Variants in MED27 observed in about 807,000 individuals in gnomAD.
MED27 encodes the protein mediator complex subunit 27, also known as mediator of RNA polymerase II transcription subunit 27.
A neutral mutation model predicts 38.2 loss-of-function variants in MED27; 30 were observed. The observed-to-expected ratio is 0.79, with a 90% CI of 0.59 to 1.07. The LOEUF (loss-of-function observed/expected upper bound fraction) is 1.07, where lower values mean the gene tolerates loss of function less well. Ranked by LOEUF, MED27 falls within the 50% of genes least tolerant of loss-of-function variation. MED27 has a pLI of 0.00. For missense variants in MED27, 289 were observed against 397.5 expected (o/e 0.73, Z 2.32); for synonymous variants, 122 against 153.5 (o/e 0.79, Z 1.52).
In MED27 at chr9:132,013,252, C is replaced by T. The variant is rs1384077857; in HGVS notation, c.479+1085G>A. On this transcript the variant is annotated intron_variant, in intron 3 of 7. Transcript: ENST00000292035. ...GTGGCATATTCAAAGGAAGACTACA[C>T]TGCAACAGAAAAAGGACAACAGGAT... Among the ~76,000 whole-genome samples the T allele has an allele frequency of 2.6e-5, 4 of 152,212 alleles. No homozygotes were observed. The East Asian group carries it at 7.7e-4, about 29-fold the overall frequency.
intron 3 of MED27, among the ~76,000 whole-genome samples, chr9:131,994,273 A>C (rs1305560175): frequency 6.6e-6 from 1 of 152,168 alleles, no homozygotes; most frequent in Non-Finnish European, 1.5e-5. Context: ...TGTATTTGAC[A>C]ATTTCTACAA....
intron 6 of MED27, chr9:131,869,163 A>C (rs1478506607): frequency 4.1e-6 from 4 of 985,274 alleles, no homozygotes; most frequent in Non-Finnish European, 4.8e-6. Flanking sequence ...TTAATAAAGG[A>C]AACAGAGCTG....
At chr9:131,936,853 T>C (rs1830695360) in intron 4 of MED27, among the ~76,000 whole-genome samples, 1 of 152,204 alleles carries the variant, frequency 6.6e-6, no homozygotes, top group Non-Finnish European at 1.5e-5. Flanking sequence ...TGCCGTTTTA[T>C]TTCAAAAGCA....
chr9:132,017,996 G>T (rs543973457), intron 2 of MED27, among the ~76,000 whole-genome samples: 10 of 152,320 alleles, frequency 6.6e-5, no homozygotes, highest in Admixed American at 4.6e-4. Context: ...CTGACGAAAT[G>T]TAAGTGGGAG....
At chr9:131,984,677 G>C (rs1247431186) in intron 3 of MED27, among the ~76,000 whole-genome samples, 1 of 152,172 alleles carries the variant, frequency 6.6e-6, no homozygotes, top group Non-Finnish European at 1.5e-5. Context: ...ACAATAAGGA[G>C]AAAGTATTTA....
At chr9:131,964,037 T>C (rs554677912) in intron 3 of MED27, among the ~76,000 whole-genome samples, 1 of 152,070 alleles carries the variant, frequency 6.6e-6, no homozygotes, top group Non-Finnish European at 1.5e-5. Context: ...GAGTAAGTAC[T>C]GATCTGATTG....
At position 132,039,831 on chromosome 9, in the gene MED27, C is replaced by G. The variant is rs369463769; in HGVS notation, c.349-25364G>C. 2.5e-4 allele frequency among the ~76,000 whole-genome samples: 38 copies of G among 152,312 alleles called. No individual in the cohort carries two copies. In the East Asian group the frequency reaches 5.4e-3, roughly 22 times the overall value. ...GACAGGGTCCTGCCTCTAGGAGTTT[C>G]ACTGGCTACAAAGGACACCACTCGC... On this transcript the variant is annotated intron_variant, in intron 2 of 7. Transcript: ENST00000292035.
At chr9:131,874,152 G>A (rs560165047) in intron 6 of MED27, among the ~76,000 whole-genome samples, 20 of 152,132 alleles carry the variant, frequency 1.3e-4, no homozygotes, top group Admixed American at 6.5e-5. Context: ...TCCGCCTCCC[G>A]CCCCAACACG....
Position 131,939,303 on chromosome 9 carries a change from C to T in MED27, c.573+78G>A, listed in dbSNP as rs1830740933. The T allele has an allele frequency of 3.5e-6, 3 of 848,794 alleles. No homozygotes were observed. The South Asian group carries it at 5.9e-5, about 17-fold the overall frequency. The allele number at this position is 848,794 out of a possible 1,614,324, so 52.6% of individuals were successfully genotyped here. ...TTTAATCCCCATTCTCTAGATCCTA[C>T]AACACAGGACCAGAGAGTTAATTGT... On this transcript the variant is annotated intron_variant, in intron 4 of 7. Transcript: ENST00000292035.
At chr9:131,973,402 A>G (rs1409162594) in intron 3 of MED27, among the ~76,000 whole-genome samples, 1 of 151,394 alleles carries the variant, frequency 6.6e-6, no homozygotes, top group Non-Finnish European at 1.5e-5. Context: ...ACATGAAGAA[A>G]TCGGCCGCAG....
chr9:132,004,979 G>C (rs2131063224), intron 3 of MED27, among the ~76,000 whole-genome samples: 1 of 152,298 alleles, frequency 6.6e-6, no homozygotes. Flanking sequence ...AACTGCCCTG[G>C]AAGAGACAAA....
intron 3 of MED27, among the ~76,000 whole-genome samples, chr9:132,005,439 T>A (rs1177291401): frequency 6.6e-6 from 1 of 152,176 alleles, no homozygotes; most frequent in South Asian, 2.1e-4. Flanking sequence ...GAATGCCAGG[T>A]ATTTGACCAC....
intron 2 of MED27, among the ~76,000 whole-genome samples, chr9:132,044,864 T>A (rs1278451908): frequency 6.6e-6 from 1 of 152,212 alleles, no homozygotes; most frequent in East Asian, 1.9e-4. Flanking sequence ...TGGAAATACA[T>A]TAAAAACAGG....
At chr9:132,014,000 G>A (rs1262732013) in intron 3 of MED27, among the ~76,000 whole-genome samples, 3 of 152,118 alleles carry the variant, frequency 2.0e-5, no homozygotes, top group Non-Finnish European at 4.4e-5. Context: ...GAGGTCAGGA[G>A]TTCGAAACCA....
chr9:132,028,398 A>G (rs1832874313), intron 2 of MED27, among the ~76,000 whole-genome samples: 1 of 152,134 alleles, frequency 6.6e-6, no homozygotes, highest in Non-Finnish European at 1.5e-5. Context: ...CATACCTTAG[A>G]ATACCTTAGA....
rs1351218457 is a variant in MED27 at position 131,883,567 on chromosome 9, T to C, written c.723+491A>G. Among the ~76,000 whole-genome samples, 1 of 152,208 alleles carries C rather than the reference T, an allele frequency of 6.6e-6. No homozygotes were observed. The highest frequency in any genetic ancestry group is 2.4e-5 in the African/African-American group (1 of 41,448). On this transcript the variant is annotated intron_variant, in intron 6 of 7. Transcript: ENST00000292035. This position sits in a 1 kb window ranked among gnomAD's most constrained non-coding sequence, Gnocchi z 4.2. ...GGGGCAGGGTGAGGGAGTGCCAGCC[T>C]GCTTCCCTTGGCCCATCCCTTGGGC...
intron 6 of MED27, among the ~76,000 whole-genome samples, chr9:131,873,581 G>C (rs1215594082): frequency 6.6e-6 from 1 of 152,198 alleles, no homozygotes; most frequent in Non-Finnish European, 1.5e-5. Flanking sequence ...GGATTACTTG[G>C]ATGGGATCAA....
At position 131,860,640 on chromosome 9, in the gene MED27, C is replaced by T. The variant is rs758801841; in HGVS notation, c.834G>A (p.Gln278=). 1.2e-6 allele frequency: 2 copies of T among 1,613,170 alleles called. No individual in the cohort carries two copies. The highest frequency in any genetic ancestry group is 1.7e-6 in the Non-Finnish European group (2 of 1,179,678). ...ACTTCCCGCAGCGCTGGCACGGGGC[C>T]TGGAACAGCTTTATGTAACTTCTTA... ...TWLRSYIKLF[Q]APCQRCGKFL... The change falls in exon 8 of 8, where the codon CAG becomes CAA. Residue 278 remains glutamine, a synonymous_variant. Coordinates refer to ENST00000292035, the MANE Select transcript of MED27 (RefSeq NM_004269.4). This position sits in a 1 kb window ranked among gnomAD's most constrained non-coding sequence, Gnocchi z 5.8.
chr9:132,024,881 T>C (rs1180923204), intron 2 of MED27, among the ~76,000 whole-genome samples: 1 of 152,190 alleles, frequency 6.6e-6, no homozygotes, highest in African/African-American at 2.4e-5. Context: ...ACACGTGAAA[T>C]AATCAGGTTA....
Sources: allele counts gnomAD v4.1 joint callset (sites outside exome capture counted in the v4.1 genomes callset), GRCh38; gene constraint gnomAD v4.1.1; non-coding constraint Gnocchi (gnomAD v3.1); transcripts MANE v1.5; gene names NCBI Gene and HGNC (gene_info 2026-07-23, HGNC 2026-07-21).